The following KIF18A variants were observed in gnomAD, a reference collection of about 807,000 sequenced individuals.
KIF18A encodes the protein kinesin family member 18A.
KIF18A carries 67 observed loss-of-function variants against 103.3 expected under a neutral mutation model. The observed-to-expected ratio is 0.65, with a 90% CI of 0.53 to 0.79. KIF18A has a LOEUF of 0.79. Ranked by LOEUF, KIF18A falls within the 30% of genes least tolerant of loss-of-function variation. The pLI, the probability that KIF18A is intolerant of heterozygous loss-of-function variation, is 0.00. For synonymous variants in KIF18A, 367 were observed against 355.5 expected, an observed-to-expected ratio of 1.03 and a Z score of -0.36; for missense variants, 1,032 against 1,062.5, an observed-to-expected ratio of 0.97 and a Z score of 0.40.
chr11:28,106,550 GCAA>G (rs1851510328), intron 1 of KIF18A, among the ~76,000 whole-genome samples: 1 of 54,176 alleles, frequency 1.8e-5, no homozygotes, highest in Admixed American at 2.1e-4. Flanking sequence ...ACAGTTGTCA[GCAA>G]AAAAAAAAAA....
chr11:28,038,738 A>C (rs12802157), intron 13 of KIF18A, among the ~76,000 whole-genome samples: 43,991 of 151,470 alleles, frequency 0.29, 7,222 homozygotes, highest in African/African-American at 0.44. Flanking sequence ...AACAGAAGAA[A>C]AATATGATCC....
intron 15 of KIF18A, among the ~76,000 whole-genome samples, chr11:28,030,481 T>C (rs1207615942): frequency 2.8e-4 from 43 of 151,682 alleles, no homozygotes; most frequent in African/African-American, 1.0e-3. Flanking sequence ...TAGCCATATG[T>C]AGAAAGCTGA....
intron 15 of KIF18A, among the ~76,000 whole-genome samples, chr11:28,031,044 G>A (rs1341542684): frequency 2.0e-5 from 3 of 151,786 alleles, no homozygotes; most frequent in South Asian, 2.1e-4. Context: ...AGGTGCTGGA[G>A]AGGATGTGGA....
At chr11:28,092,217 T>C (rs1851315594) in intron 3 of KIF18A, among the ~76,000 whole-genome samples, 1 of 151,722 alleles carries the variant, frequency 6.6e-6, no homozygotes, top group Non-Finnish European at 1.5e-5. Flanking sequence ...GGAAGATATC[T>C]ATTATTTCAC....
chr11:28,092,078 G>A (rs931381959), intron 3 of KIF18A, among the ~76,000 whole-genome samples: 1 of 152,168 alleles, frequency 6.6e-6, no homozygotes, highest in Non-Finnish European at 1.5e-5. Context: ...GCCTCCCAAA[G>A]TGCTGGGATT....
At chr11:28,032,737 A>T (rs1417713265) in intron 15 of KIF18A, among the ~76,000 whole-genome samples, 3 of 151,894 alleles carry the variant, frequency 2.0e-5, no homozygotes, top group African/African-American at 7.2e-5. Flanking sequence ...TAAAAATTTA[A>T]ATTTAAGACC....
chr11:28,069,198 G>A, intron 11 of KIF18A, 61 bp downstream of exon 11: 2 of 1,288,740 alleles, frequency 1.6e-6, no homozygotes, highest in Non-Finnish European at 2.2e-6. Context: ...ATAAGAAAAA[G>A]AACACATTTT....
chr11:28,042,946 T>C (rs1289626396), intron 13 of KIF18A, among the ~76,000 whole-genome samples: 5 of 151,868 alleles, frequency 3.3e-5, no homozygotes, highest in Non-Finnish European at 7.4e-5. Flanking sequence ...TGACTTATAG[T>C]ACTCCCTATC....
rs759188824 is a variant in KIF18A, at chr11:28,059,199, T to A, written c.1713-38A>T. ...GATGAGAAGAAAGGAGAGATAAATA[T>A]GACATTTTAAACACATTATTTTAGT... On this transcript the variant is annotated intron_variant, in intron 12 of 16. Transcript: ENST00000263181. 1.5e-5 allele frequency: 21 copies of A among 1,386,326 alleles called. No homozygotes were observed. The South Asian group carries it at 2.4e-4, about 16-fold the overall frequency. The allele number at this position is 1,386,326 out of a possible 1,614,324, so 85.9% of individuals were successfully genotyped here. A position where few individuals can be genotyped will look rare whatever the true frequency, so the allele number is the denominator to read the frequency against.
rs536831595 is a variant in KIF18A at position 28,021,058 on chromosome 11, T to C, written c.*142A>G. 3.3e-5 allele frequency: 23 copies of C among 704,302 alleles called. No homozygotes were observed. The Admixed American group carries it at 7.8e-4, about 24-fold the overall frequency. The allele number at this position is 704,302 out of a possible 1,614,324, so 43.6% of individuals were successfully genotyped here. On this transcript the variant is annotated 3_prime_UTR_variant, in exon 17 of 17. Transcript: ENST00000263181. Reference sequence around the variant, plus strand: ...AAGAAGAAAACAAAGAGTTTCATTTTTCTGCTTGCTGAAAGTACTTGGGTA... The same window carrying C: ...AAGAAGAAAACAAAGAGTTTCATTTCTCTGCTTGCTGAAAGTACTTGGGTA...
chr11:28,053,649 C>T (rs1251048983), intron 13 of KIF18A, among the ~76,000 whole-genome samples: 1 of 342 alleles, frequency 2.9e-3, no homozygotes, highest in Non-Finnish European at 7.2e-3. Context: ...TGCTATCCCT[C>T]CCCCCTTTCC....
intron 16 of KIF18A, among the ~76,000 whole-genome samples, chr11:28,023,486 G>A (rs965263762): frequency 6.6e-6 from 1 of 152,206 alleles, no homozygotes; most frequent in Non-Finnish European, 1.5e-5. Flanking sequence ...CTAAAAGGGT[G>A]TAGAAAGTAG....
chr11:28,107,292 T>A (rs1218199909), intron 1 of KIF18A, among the ~76,000 whole-genome samples: 1 of 152,028 alleles, frequency 6.6e-6, no homozygotes, highest in Non-Finnish European at 1.5e-5. Flanking sequence ...ACAAAATCAG[T>A]TCATTCTGGT....
chr11:28,029,231 G>T (rs1421605458), intron 15 of KIF18A, among the ~76,000 whole-genome samples: 1 of 152,040 alleles, frequency 6.6e-6, no homozygotes, highest in East Asian at 1.9e-4. Context: ...AACAAAAAAA[G>T]AGAATTTTAG....
intron 6 of KIF18A, among the ~76,000 whole-genome samples, chr11:28,087,422 C>A (rs1851242662): frequency 6.6e-6 from 1 of 152,142 alleles, no homozygotes; most frequent in Non-Finnish European, 1.5e-5. Flanking sequence ...TGAACTCATC[C>A]TTTTTCATGG....
chr11:28,039,117 T>G (rs572823202), intron 13 of KIF18A, among the ~76,000 whole-genome samples: 1 of 151,728 alleles, frequency 6.6e-6, no homozygotes, highest in East Asian at 1.9e-4. Context: ...GGCATTAATA[T>G]CCCCTAGAAA....
chr11:28,069,518 G>T, intron 10 of KIF18A, 95 bp from the exon 11 acceptor site: 1 of 1,170,844 alleles, frequency 8.5e-7, no homozygotes, highest in Non-Finnish European at 1.2e-6. Context: ...GTGTACTATT[G>T]TAGTAAATTA....
At chr11:28,106,879 G>A (rs887640913) in intron 1 of KIF18A, among the ~76,000 whole-genome samples, 2 of 152,272 alleles carry the variant, frequency 1.3e-5, no homozygotes, top group East Asian at 1.9e-4. Flanking sequence ...GCTGAGGCAC[G>A]AGAATTGCTT....
chr11:28,041,503 A>C (rs1204317843), intron 13 of KIF18A, among the ~76,000 whole-genome samples: 2 of 151,818 alleles, frequency 1.3e-5, no homozygotes, highest in East Asian at 3.9e-4. Context: ...GCAGAATAAG[A>C]GGCTAGAGAG....
Sources: allele counts gnomAD v4.1 joint callset (sites outside exome capture counted in the v4.1 genomes callset), GRCh38; gene constraint gnomAD v4.1.1; transcripts MANE v1.5; gene names NCBI Gene and HGNC (gene_info 2026-07-23, HGNC 2026-07-21).